NRG1: variants seen among roughly 807,000 people sequenced by gnomAD.
The protein encoded by NRG1 is neuregulin 1.
A neutral mutation model predicts 63.8 loss-of-function variants in NRG1; 18 were observed. The observed-to-expected ratio is 0.28, with a 90% CI of 0.19 to 0.42. The LOEUF is 0.42. Ranked by LOEUF, NRG1 falls within the 10% of genes least tolerant of loss-of-function variation. The probability of loss-of-function intolerance (pLI) is 1.00; values close to 1 mark genes in which losing one functional copy is unlikely to be tolerated. For synonymous variants in NRG1, 302 were observed against 301.3 expected, an observed-to-expected ratio of 1.00 and a Z score of -0.02; for missense variants, 762 against 814.7, an observed-to-expected ratio of 0.94 and a Z score of 0.79.
intron 1 of NRG1, among the ~76,000 whole-genome samples, chr8:31,884,227 C>T (rs188940604): frequency 3.9e-5 from 6 of 152,088 alleles, no homozygotes; most frequent in African/African-American, 1.2e-4. Context: ...TTTGAGGCCT[C>T]GTGTAAAATA....
At chr8:32,267,194 G>GGAAGGAGAAA (rs1851071993) in intron 1 of NRG1, among the ~76,000 whole-genome samples, 3 of 119,824 alleles carry the variant, frequency 2.5e-5, no homozygotes, top group African/African-American at 7.7e-5. Context: ...AAAGAAGGAA[G>GGAAGGAGAAA]GAAGGAAGGA....
chr8:32,138,299 G>C (rs1364199965), intron 1 of NRG1, among the ~76,000 whole-genome samples: 1 of 151,958 alleles, frequency 6.6e-6, no homozygotes, highest in Non-Finnish European at 1.5e-5. Flanking sequence ...CTCTCTATGA[G>C]GATCTGCATT....
Position 32,760,415 on chromosome 8 carries a change from G to C in NRG1, c.1259+9G>C. 1 of 1,612,822 alleles carries C rather than the reference G, an allele frequency of 6.2e-7. No homozygotes were observed. The highest frequency in any genetic ancestry group is 1.7e-5 in the Admixed American group (1 of 59,980). On this transcript the variant is annotated intron_variant, in intron 11 of 11. Transcript: ENST00000356819. The stretch of plus-strand genomic sequence containing the variant: ...TCTCCTCATAGTGAAAGGTAAAACC[G>C]AAGGGCAAAGCTACTGCAGAGGAGA...
At chr8:31,836,762 C>A (rs1017597679) in intron 1 of NRG1, among the ~76,000 whole-genome samples, 1 of 152,060 alleles carries the variant, frequency 6.6e-6, no homozygotes, top group Non-Finnish European at 1.5e-5. Flanking sequence ...GGACACATAA[C>A]TTTCATGTGT....
chr8:32,732,605 A>G (rs1177567294), intron 6 of NRG1, among the ~76,000 whole-genome samples: 1 of 152,078 alleles, frequency 6.6e-6, no homozygotes, highest in Non-Finnish European at 1.5e-5. Flanking sequence ...TGAAGTTAAT[A>G]TGTTCTCCAA....
chr8:31,742,209 AT>A (rs2131405320), intron 1 of NRG1, among the ~76,000 whole-genome samples: 1 of 152,028 alleles, frequency 6.6e-6, no homozygotes, highest in East Asian at 1.9e-4. Context: ...TTTTAGGAGA[AT>A]GATTAAAAGA....
intron 1 of NRG1, among the ~76,000 whole-genome samples, chr8:32,069,302 A>G (rs1271083685): frequency 6.6e-6 from 1 of 152,212 alleles, no homozygotes; most frequent in African/African-American, 2.4e-5. Flanking sequence ...CCAAGTTGGA[A>G]TAAAGCATAT....
At chr8:31,869,929 A>C (rs1829332387) in intron 1 of NRG1, among the ~76,000 whole-genome samples, 1 of 152,156 alleles carries the variant, frequency 6.6e-6, no homozygotes, top group African/African-American at 2.4e-5. Context: ...AATTAAGACA[A>C]ATTTCCAGAC....
intron 1 of NRG1, among the ~76,000 whole-genome samples, chr8:32,052,555 A>G (rs1289065402): frequency 6.6e-6 from 1 of 152,140 alleles, no homozygotes; most frequent in African/African-American, 2.4e-5. Context: ...ATCTAAAAAA[A>G]TAGTTTAGGA....
At chr8:31,726,676 G>T (rs988566799) in intron 1 of NRG1, among the ~76,000 whole-genome samples, 2 of 152,144 alleles carry the variant, frequency 1.3e-5, no homozygotes, top group Admixed American at 6.5e-5. Flanking sequence ...TGTCTGTAGA[G>T]CAGAAGAAGC....
At chr8:31,680,363 T>C (rs1808200958) in intron 1 of NRG1, among the ~76,000 whole-genome samples, 1 of 148,308 alleles carries the variant, frequency 6.7e-6, no homozygotes, top group African/African-American at 2.5e-5. Flanking sequence ...CATTGTTCAA[T>C]TCCCACCTAT....
At chr8:32,762,579 C>T (rs538132021) in intron 11 of NRG1, among the ~76,000 whole-genome samples, 17 of 152,282 alleles carry the variant, frequency 1.1e-4, no homozygotes, top group Non-Finnish European at 1.9e-4. Flanking sequence ...CTAGCTCTCA[C>T]GTCTGTATCA....
intron 1 of NRG1, among the ~76,000 whole-genome samples, chr8:31,848,655 G>T (rs886642625): frequency 1.3e-5 from 2 of 152,128 alleles, no homozygotes; most frequent in African/African-American, 4.8e-5. Flanking sequence ...TGTCAGATCA[G>T]CAGCAGCAGC....
chr8:32,713,613 A>T (rs952295490), intron 5 of NRG1, among the ~76,000 whole-genome samples: 10 of 135,230 alleles, frequency 7.4e-5, no homozygotes, highest in Middle Eastern at 4.8e-3. Context: ...AGTAAGTTTA[A>T]AAAAAAAAAA....
intron 1 of NRG1, among the ~76,000 whole-genome samples, chr8:32,479,079 A>G (rs1824892948): frequency 6.6e-6 from 1 of 152,188 alleles, no homozygotes. Context: ...TAATTCATAT[A>G]AACATAATTT....
Position 31,666,790 on chromosome 8 carries a change from T to C in NRG1, c.37+27359T>C, listed in dbSNP as rs566734850. ...ATGGGCTCTTCCATCTGACATCCTT[T>C]TGACAGGTTCTACCACATGTGGCAT... is the stretch of plus-strand genomic sequence containing the variant. On this transcript the variant is annotated intron_variant, in intron 1 of 10. Transcript: ENST00000519301. Among the ~76,000 whole-genome samples the C allele has an allele frequency of 2.2e-4, 34 of 152,352 alleles. No homozygotes were observed. In the South Asian group the frequency reaches 4.1e-3, roughly 19 times the overall value.
At chr8:31,732,362 A>G (rs1051532016) in intron 1 of NRG1, among the ~76,000 whole-genome samples, 2 of 152,156 alleles carry the variant, frequency 1.3e-5, no homozygotes, top group African/African-American at 2.4e-5. Context: ...TTCAATGCCT[A>G]AGATATTGGG....
At chr8:32,758,655 T>A (rs1439780136) in intron 9 of NRG1, among the ~76,000 whole-genome samples, 4 of 149,818 alleles carry the variant, frequency 2.7e-5, no homozygotes, top group Non-Finnish European at 4.5e-5. Context: ...TCTACCTGCA[T>A]TAAATAGAAA....
intron 1 of NRG1, among the ~76,000 whole-genome samples, chr8:32,465,393 G>A (rs1319088005): frequency 2.6e-5 from 4 of 152,164 alleles, no homozygotes; most frequent in Non-Finnish European, 4.4e-5. Flanking sequence ...TGTCATAGCT[G>A]TAGGATTTAG....
Sources: allele counts gnomAD v4.1 joint callset (sites outside exome capture counted in the v4.1 genomes callset), GRCh38; gene constraint gnomAD v4.1.1; transcripts MANE v1.5; gene names NCBI Gene and HGNC (gene_info 2026-07-23, HGNC 2026-07-21).